EPHA3: variants seen among roughly 807,000 people sequenced by gnomAD.
The protein encoded by EPHA3 is ephrin type-A receptor 3.
A neutral mutation model predicts 107.1 loss-of-function variants in EPHA3; 42 were observed. The observed-to-expected ratio is 0.39, with a 90% CI of 0.31 to 0.51. The LOEUF (loss-of-function observed/expected upper bound fraction) is 0.51. Among genes scored for constraint, EPHA3 ranks in the 20% least tolerant of loss-of-function variants. The pLI, the probability that EPHA3 is intolerant of heterozygous loss-of-function variation, is 0.78. For synonymous variants in EPHA3, 461 were observed against 424.8 expected (o/e 1.09, Z -1.05); for missense variants, 1,183 against 1,211.2 (o/e 0.98, Z 0.35).
At chr3:89,294,920 T>C (rs1706309197) in intron 3 of EPHA3, among the ~76,000 whole-genome samples, 4 of 152,192 alleles carry the variant, frequency 2.6e-5, no homozygotes, top group Admixed American at 2.6e-4. Context: ...GTATTCTTAT[T>C]AATATTCTTG....
At chr3:89,194,406 T>C (rs1705787500) in intron 2 of EPHA3, among the ~76,000 whole-genome samples, 1 of 152,032 alleles carries the variant, frequency 6.6e-6, no homozygotes. Context: ...ATGTGGTTTA[T>C]TGGCACTTGA....
chr3:89,474,887 A>C (rs1710475177), intron 16 of EPHA3, among the ~76,000 whole-genome samples: 1 of 152,188 alleles, frequency 6.6e-6, no homozygotes, highest in Admixed American at 6.5e-5. Flanking sequence ...CAACCTGTGA[A>C]TATACATTCA....
At position 89,480,825 on chromosome 3, in the gene EPHA3, G is replaced by A. The variant is rs931149542; in HGVS notation, c.*1323G>A. The stretch of plus-strand genomic sequence containing the variant: ...CTTCCACTTCAATGCACATGGTGCA[G>A]TTTTGGTGTGTAACTTAGAAGGATT... On this transcript the variant is annotated 3_prime_UTR_variant, in exon 17 of 17. Coordinates refer to ENST00000336596, the MANE Select transcript of EPHA3 (RefSeq NM_005233.6). 8.6e-6 allele frequency: 2 copies of A among 232,358 alleles called. No homozygotes were observed. The highest frequency in any genetic ancestry group is 8.5e-6 in the Non-Finnish European group (1 of 117,278). The allele number at this position is 232,358 out of a possible 1,614,324, so 14.4% of individuals were successfully genotyped here. A position where few individuals can be genotyped will look rare whatever the true frequency, so the allele number is the denominator to read the frequency against.
At chr3:89,286,805 T>G (rs1241214103) in intron 3 of EPHA3, among the ~76,000 whole-genome samples, 1 of 152,126 alleles carries the variant, frequency 6.6e-6, no homozygotes, top group African/African-American at 2.4e-5. Flanking sequence ...AAATAATGTG[T>G]TGATTCACTT....
At chr3:89,152,421 T>C (rs1453576727) in intron 2 of EPHA3, among the ~76,000 whole-genome samples, 1 of 152,090 alleles carries the variant, frequency 6.6e-6, no homozygotes, top group African/African-American at 2.4e-5. Context: ...ATGGAAGTTT[T>C]AACTTAGGGT....
rs751989411 is a variant in EPHA3 at position 89,107,767 on chromosome 3, A to C, written c.19A>C (p.Ile7Leu). The change falls in exon 1 of 17, where the codon ATC becomes CTC. Residue 7 changes from isoleucine (I) to leucine (L), a missense_variant. Transcript: ENST00000336596. The stretch of plus-strand genomic sequence containing the variant: ...CAGCAACATGGATTGTCAGCTCTCC[A>C]TCCTCCTCCTTCTCAGCTGCTCTGT... MDCQLS[I>L]LLLLSCSVLD... is the part of the protein sequence containing the mutation. 1 of 1,614,108 alleles carries C rather than the reference A, an allele frequency of 6.2e-7. No individual in the cohort carries two copies. Among genetic ancestry groups the C allele is most frequent in the South Asian group, 1.1e-5 (1 of 91,084 alleles).
intron 3 of EPHA3, among the ~76,000 whole-genome samples, chr3:89,315,100 T>C (rs1706863813): frequency 2.0e-5 from 3 of 151,812 alleles, no homozygotes; most frequent in African/African-American, 4.8e-5. Flanking sequence ...ATTATAATCT[T>C]ATGGGTCCAC....
At chr3:89,107,924 G>A in intron 1 of EPHA3, 88 bp downstream of exon 1, 1 of 1,315,422 alleles carries the variant, frequency 7.6e-7, no homozygotes, top group Non-Finnish European at 1.1e-6. Flanking sequence ...TGCACGTCGG[G>A]AAGGTGCCTC....
At position 89,275,174 on chromosome 3, in the gene EPHA3, A is replaced by C. The variant is rs560951987; in HGVS notation, c.814+64654A>C. 1.6e-4 allele frequency among the ~76,000 whole-genome samples: 24 copies of C among 152,164 alleles called. No homozygotes were observed. In the South Asian group the frequency reaches 1.9e-3, roughly 12 times the overall value. On this transcript the variant is annotated intron_variant, in intron 3 of 16. Coordinates refer to ENST00000336596, the MANE Select transcript of EPHA3 (RefSeq NM_005233.6). ...CATCAGGTTTTATATATATCAACCC[A>C]AAATTCCTACTATTGGATATGCTAT...
At chr3:89,137,922 C>T (rs1237286362) in intron 2 of EPHA3, among the ~76,000 whole-genome samples, 1 of 151,664 alleles carries the variant, frequency 6.6e-6, no homozygotes, top group Non-Finnish European at 1.5e-5. Flanking sequence ...AATTCTGGGC[C>T]CCAATCATGA....
chr3:89,421,912 A>G lies in EPHA3; in HGVS notation c.2074+2522A>G, dbSNP rs114858638. 1.0e-2 allele frequency among the ~76,000 whole-genome samples: 1,507 copies of G among 150,828 alleles called. 27 individuals carry two copies. Among genetic ancestry groups the G allele is most frequent in the African/African-American group, 0.035 (1,441 of 41,324 alleles). ...ATTATATATTAAACATCTTACTCAA[A>G]CCGACTCTGTAACATTCTAATATGG... On this transcript the variant is annotated intron_variant, in intron 11 of 16. Transcript: ENST00000336596.
chr3:89,404,185 G>T (rs1709013728), intron 7 of EPHA3, among the ~76,000 whole-genome samples: 1 of 152,178 alleles, frequency 6.6e-6, no homozygotes, highest in African/African-American at 2.4e-5. Flanking sequence ...CTGACAAAGG[G>T]AGAATGGAAT....
intron 10 of EPHA3, among the ~76,000 whole-genome samples, chr3:89,418,334 A>G (rs1709287442): frequency 6.6e-6 from 1 of 151,416 alleles, no homozygotes; most frequent in African/African-American, 2.4e-5. Context: ...GGCAATCATC[A>G]TGGCAGCATG....
At chr3:89,479,302 T>A (rs978571833) in intron 16 of EPHA3, 95 bp from the exon 17 acceptor site, 3 of 942,904 alleles carry the variant, frequency 3.2e-6, no homozygotes, top group Non-Finnish European at 5.0e-6. Flanking sequence ...TCCACAGTAC[T>A]AGAATATAAC....
At chr3:89,239,336 C>T (rs1704840873) in intron 3 of EPHA3, among the ~76,000 whole-genome samples, 1 of 152,086 alleles carries the variant, frequency 6.6e-6, no homozygotes, top group Non-Finnish European at 1.5e-5. Context: ...CATTTCTTTC[C>T]ACATTTCAAA....
At chr3:89,243,007 TG>T (rs1178649275) in intron 3 of EPHA3, among the ~76,000 whole-genome samples, 1 of 150,336 alleles carries the variant, frequency 6.7e-6, no homozygotes, top group African/African-American at 2.4e-5. Context: ...ATGCGGTGTT[TG>T]GTTTTCTGTC....
chr3:89,350,044 T>G (rs1707771228), intron 5 of EPHA3, among the ~76,000 whole-genome samples: 1 of 150,760 alleles, frequency 6.6e-6, no homozygotes, highest in Admixed American at 6.6e-5. Flanking sequence ...CTGGCTGCCC[T>G]TAACATTTTT....
chr3:89,320,349 C>A (rs1414216702), intron 3 of EPHA3, among the ~76,000 whole-genome samples: 1 of 151,832 alleles, frequency 6.6e-6, no homozygotes, highest in Non-Finnish European at 1.5e-5. Flanking sequence ...CTCTAGTGTC[C>A]CAAAGGTGTT....
intron 3 of EPHA3, among the ~76,000 whole-genome samples, chr3:89,216,129 T>C (rs1192401409): frequency 6.6e-6 from 1 of 151,982 alleles, no homozygotes; most frequent in African/African-American, 2.4e-5. Flanking sequence ...ATAAATAATG[T>C]GTCCATTAAG....
Sources: allele counts gnomAD v4.1 joint callset (sites outside exome capture counted in the v4.1 genomes callset), GRCh38; gene constraint gnomAD v4.1.1; transcripts MANE v1.5; gene names NCBI Gene and HGNC (gene_info 2026-07-23, HGNC 2026-07-21).